Variants in FARSB observed in about 807,000 individuals in gnomAD.
FARSB encodes the protein phenylalanine--tRNA ligase beta subunit.
A neutral mutation model predicts 69.6 loss-of-function variants in FARSB; 40 were observed. That is an observed-to-expected ratio of 0.57 (90% CI 0.45 to 0.75). The LOEUF (loss-of-function observed/expected upper bound fraction) is 0.75, where lower values mean the gene tolerates loss of function less well. FARSB is among the 30% of genes least tolerant of loss of function. The probability of loss-of-function intolerance (pLI) is 0.00; values close to 1 mark genes in which losing one functional copy is unlikely to be tolerated. For missense variants in FARSB, 632 were observed against 722.9 expected, an observed-to-expected ratio of 0.87 and a Z score of 1.44; for synonymous variants, 235 against 247.2, an observed-to-expected ratio of 0.95 and a Z score of 0.46.
rs1559212181 is a variant in FARSB at position 222,634,429 on chromosome 2, T to G, written c.568A>C (p.Lys190Gln). Residue 190 changes from lysine (K) to glutamine (Q), a missense_variant, in exon 6 of 17, where the codon AAG (lysine) becomes CAG (glutamine). Physicochemically the swap from Lys to Gln is moderately conservative, Grantham distance 53 (BLOSUM62 1). Coordinates refer to ENST00000281828, the MANE Select transcript of FARSB (RefSeq NM_005687.5). The stretch of plus-strand genomic sequence containing the variant: ...ATCAGTTCACAGGCTGTATACTCCT[T>G]GGTCTTATTTAGAGGCTTGAATTTG... ...DIKFKPLNKT[K>Q]EYTACELMNI... 6.2e-7 allele frequency: 1 copy of G among 1,611,058 alleles called. No homozygotes were observed. The highest frequency in any genetic ancestry group is 8.5e-7 in the Non-Finnish European group (1 of 1,177,844).
intron 15 of FARSB, among the ~76,000 whole-genome samples, chr2:222,600,419 A>G (rs1690530162): frequency 6.6e-6 from 1 of 152,190 alleles, no homozygotes; most frequent in Non-Finnish European, 1.5e-5. Context: ...TATTCATAAT[A>G]TTAATACTAC....
At chr2:222,605,939 CA>C (rs1228798785) in intron 15 of FARSB, among the ~76,000 whole-genome samples, 9 of 151,902 alleles carry the variant, frequency 5.9e-5, no homozygotes, top group Admixed American at 5.3e-4. Context: ...AAAACAAAAA[CA>C]AAAGAGAACT....
chr2:222,628,029 T>C (rs1691320827), intron 10 of FARSB, among the ~76,000 whole-genome samples: 1 of 152,246 alleles, frequency 6.6e-6, no homozygotes, highest in Admixed American at 6.5e-5. Flanking sequence ...GTTTAGATTT[T>C]TTACCAAGAT....
At chr2:222,637,924 C>T (rs1202082703) in intron 5 of FARSB, among the ~76,000 whole-genome samples, 1 of 151,842 alleles carries the variant, frequency 6.6e-6, no homozygotes, top group African/African-American at 2.4e-5. Context: ...TCTGGAGTTA[C>T]AATGAGATGA....
rs1168102676 is a variant in FARSB at position 222,569,403 on chromosome 2, C to CATTA, written c.*2464_*2467dup. 2 of 152,182 alleles carry CATTA rather than the reference C, an allele frequency of 1.3e-5. No homozygotes were observed. The highest frequency in any genetic ancestry group is 4.8e-5 in the African/African-American group (2 of 41,458). 9.4% of individuals were successfully genotyped at this position (152,182 alleles called of 1,614,324 possible). ...AACCTGAAACTAAGGGAGAATATAT[C>CATTA]ATTAATAGCTGTGGACCAGTGAGCC... On this transcript the variant is annotated 3_prime_UTR_variant, in exon 17 of 17. Transcript: ENST00000281828.
At chr2:222,614,458 T>C (rs981560685) in intron 14 of FARSB, among the ~76,000 whole-genome samples, 1 of 152,198 alleles carries the variant, frequency 6.6e-6, no homozygotes, top group East Asian at 1.9e-4. Context: ...AAGTTTGCTT[T>C]CAAGATTTCA....
chr2:222,608,411 C>G (rs549941176), intron 15 of FARSB, among the ~76,000 whole-genome samples: 42 of 152,232 alleles, frequency 2.8e-4, no homozygotes, highest in African/African-American at 1.0e-3. Flanking sequence ...CTTTAAAGAT[C>G]TGACCGCTAT....
chr2:222,593,990 C>T (rs982981086), intron 16 of FARSB, among the ~76,000 whole-genome samples: 3 of 149,992 alleles, frequency 2.0e-5, no homozygotes, highest in Non-Finnish European at 4.4e-5. Context: ...GGCGTGGTGG[C>T]TCACACCTAT....
chr2:222,584,640 C>T (rs565249409), intron 16 of FARSB, among the ~76,000 whole-genome samples: 1 of 152,302 alleles, frequency 6.6e-6, no homozygotes, highest in South Asian at 2.1e-4. Context: ...CCACTCCCAC[C>T]CTAGTACTGC....
intron 16 of FARSB, among the ~76,000 whole-genome samples, chr2:222,585,918 G>C (rs1428870586): frequency 2.0e-5 from 3 of 152,264 alleles, no homozygotes; most frequent in Admixed American, 6.5e-5. Context: ...GGGGAGAATG[G>C]AACCAAGTTG....
At chr2:222,624,140 A>G (rs1691207928) in intron 12 of FARSB, 132 bp downstream of exon 12, 2 of 674,620 alleles carry the variant, frequency 3.0e-6, no homozygotes, top group Non-Finnish European at 5.3e-6. Flanking sequence ...TCCTCTCCAC[A>G]GCAAATGCCT....
Position 222,634,460 on chromosome 2 carries a change from T to C in FARSB, c.537A>G (p.Ser179=), listed in dbSNP as rs1691523408. 6.2e-7 allele frequency: 1 copy of C among 1,612,374 alleles called. No individual in the cohort carries two copies. The highest frequency in any genetic ancestry group is 2.2e-5 in the East Asian group (1 of 44,842). ...GPFTYTAKRP[S]DIKFKPLNKT... ...TATTTAGAGGCTTGAATTTGATATC[T>C]GAAGGACGCTTTGCAGTATAAGTAA... The change falls in exon 6 of 17, where the codon TCA becomes TCG. Residue 179 remains serine (S), a synonymous_variant. Coordinates refer to ENST00000281828, the MANE Select transcript of FARSB (RefSeq NM_005687.5).
intron 16 of FARSB, among the ~76,000 whole-genome samples, chr2:222,586,493 C>A (rs1690116660): frequency 6.6e-6 from 1 of 152,154 alleles, no homozygotes; most frequent in Non-Finnish European, 1.5e-5. Flanking sequence ...ATGACAGGAT[C>A]AAATTCACAC....
chr2:222,593,742 G>A (rs941726401), intron 16 of FARSB, among the ~76,000 whole-genome samples: 13 of 151,766 alleles, frequency 8.6e-5, no homozygotes, highest in African/African-American at 1.5e-4. Context: ...ATGGTGGTAC[G>A]TGCCTGTAGT....
intron 16 of FARSB, among the ~76,000 whole-genome samples, chr2:222,581,385 G>A (rs1689965671): frequency 6.6e-6 from 1 of 152,162 alleles, no homozygotes; most frequent in Admixed American, 6.5e-5. Context: ...AACTGGAGAA[G>A]ACAGATCTCT....
chr2:222,572,386 A>G (rs897707068), intron 16 of FARSB, among the ~76,000 whole-genome samples: 2 of 152,182 alleles, frequency 1.3e-5, no homozygotes, highest in Admixed American at 6.5e-5. Flanking sequence ...AAAATGAAAC[A>G]TAAAACTGAT....
rs1042491257 is a variant in FARSB at position 222,570,570 on chromosome 2, C to T, written c.*1301G>A. The T allele has an allele frequency of 7.2e-5, 11 of 151,938 alleles. No homozygotes were observed. The highest frequency in any genetic ancestry group is 2.7e-4 in the African/African-American group (11 of 41,346). 9.4% of individuals were successfully genotyped at this position (151,938 alleles called of 1,614,324 possible). The stretch of plus-strand genomic sequence containing the variant: ...ACAGAATCTCACTCTGTCACCCAGG[C>T]TGGAGGGCAGTGGCACAATCTGGGA... On this transcript the variant is annotated 3_prime_UTR_variant, in exon 17 of 17. Transcript: ENST00000281828.
chr2:222,605,877 C>T (rs1690691787), intron 15 of FARSB, among the ~76,000 whole-genome samples: 1 of 152,140 alleles, frequency 6.6e-6, no homozygotes, highest in African/African-American at 2.4e-5. Flanking sequence ...TTCGAGATTG[C>T]AGTGAGCTAT....
intron 15 of FARSB, among the ~76,000 whole-genome samples, chr2:222,605,157 A>G (rs1441183827): frequency 2.1e-5 from 1 of 47,446 alleles, no homozygotes; most frequent in African/African-American, 9.2e-5. Flanking sequence ...TAGGAATACA[A>G]ACTTTCTCTC....
Sources: gnomAD v4.1 joint callset for allele counts (sites outside exome capture counted in the v4.1 genomes callset) on GRCh38, gnomAD v4.1.1 for gene constraint, MANE v1.5 for transcripts, NCBI Gene and HGNC (gene_info 2026-07-23, HGNC 2026-07-21) for gene names.